The following ZNF827 variants were observed in gnomAD, a reference collection of about 807,000 sequenced individuals.
ZNF827 encodes zinc finger protein 827.
In ZNF827, 13 loss-of-function variants were observed where a neutral mutation model predicts 102.4. The ratio of observed to expected loss-of-function variants is 0.13; its 90% CI spans 0.08 to 0.20. ZNF827 has a LOEUF of 0.20. ZNF827 is among the 10% of genes least tolerant of loss of function. ZNF827 has a pLI of 1.00. For missense variants in ZNF827, 1,103 were observed against 1,344.4 expected, an observed-to-expected ratio of 0.82 and a Z score of 2.81; for synonymous variants, 523 against 536.2, an observed-to-expected ratio of 0.98 and a Z score of 0.34.
At chr4:145,790,672 T>C (rs983381214) in intron 8 of ZNF827, among the ~76,000 whole-genome samples, 4 of 152,228 alleles carry the variant, frequency 2.6e-5, no homozygotes, top group African/African-American at 9.6e-5. Flanking sequence ...TATGGACAAG[T>C]CTTGATCATA....
chr4:145,864,952 T>C lies in ZNF827; in HGVS notation c.1981+5293A>G, dbSNP rs1025125812. On this transcript the variant is annotated intron_variant, in intron 5 of 14. Transcript: ENST00000508784. The stretch of plus-strand genomic sequence containing the variant: ...AAGTCACACTGCTTAGAAAGCTTGC[T>C]AGACCATAATTTTCCAAGGGAAAAT... 2.6e-5 allele frequency among the ~76,000 whole-genome samples: 4 copies of C among 152,236 alleles called. No individual in the cohort carries two copies. The East Asian group carries it at 5.8e-4, about 22-fold the overall frequency.
At chr4:145,855,792 C>T (rs182213719) in intron 5 of ZNF827, among the ~76,000 whole-genome samples, 47 of 152,300 alleles carry the variant, frequency 3.1e-4, no homozygotes, top group Non-Finnish European at 6.2e-4. Context: ...GAAGCAGCCT[C>T]GGGCCCTGAA....
At chr4:145,846,337 G>A (rs1038244105) in intron 6 of ZNF827, among the ~76,000 whole-genome samples, 3 of 152,082 alleles carry the variant, frequency 2.0e-5, no homozygotes, top group Non-Finnish European at 4.4e-5. Flanking sequence ...AATTAGCCAG[G>A]GATGGTGGTG....
At chr4:145,874,710 G>A (rs1175390486) in intron 4 of ZNF827, among the ~76,000 whole-genome samples, 1 of 152,152 alleles carries the variant, frequency 6.6e-6, no homozygotes, top group East Asian at 1.9e-4. Flanking sequence ...GATTTGTGCA[G>A]GTGCGGAACT....
intron 7 of ZNF827, among the ~76,000 whole-genome samples, chr4:145,825,755 G>A (rs1743616019): frequency 6.6e-6 from 1 of 152,184 alleles, no homozygotes; most frequent in Non-Finnish European, 1.5e-5. Flanking sequence ...GATGTGAGGA[G>A]TGGAGCCCTA....
intron 1 of ZNF827, among the ~76,000 whole-genome samples, chr4:145,930,244 G>C (rs1005197747): frequency 6.6e-6 from 1 of 152,206 alleles, no homozygotes; most frequent in East Asian, 1.9e-4. Flanking sequence ...CAAAAGCTCA[G>C]ATAAGCAGAG....
intron 7 of ZNF827, among the ~76,000 whole-genome samples, chr4:145,830,195 C>T (rs1744074107): frequency 6.6e-6 from 1 of 151,986 alleles, no homozygotes; most frequent in Non-Finnish European, 1.5e-5. Flanking sequence ...TGAGAACAAA[C>T]CGGAAATGTT....
At position 145,902,367 on chromosome 4, in the gene ZNF827, C is replaced by G; in HGVS notation, c.892G>C (p.Ala298Pro). Residue 298 changes from alanine (A) to proline (P), a missense_variant, in exon 2 of 15, where the codon GCT becomes CCT. By Grantham distance (27) the Ala-to-Pro change is conservative. Coordinates refer to ENST00000508784, the MANE Select transcript of ZNF827 (RefSeq NM_001306215.2). This position sits in a 1 kb window ranked among gnomAD's most constrained non-coding sequence, Gnocchi z 4.3. ...TTCTCAGCCAGAAGACTGCCCGCAG[C>G]CCTTGCGGCCACCTCCTTCAGAAGG... is the stretch of plus-strand genomic sequence containing the variant. Reference protein sequence around the residue: ...AALLKEVAARAAGSLLAEKSS... With the variant: ...AALLKEVAARPAGSLLAEKSS... 1 of 1,611,666 alleles carries G rather than the reference C, an allele frequency of 6.2e-7. No individual in the cohort carries two copies. The highest frequency in any genetic ancestry group is 8.5e-7 in the Non-Finnish European group (1 of 1,178,456).
intron 1 of ZNF827, among the ~76,000 whole-genome samples, chr4:145,924,935 C>G (rs1293610451): frequency 1.3e-5 from 2 of 152,112 alleles, no homozygotes; most frequent in South Asian, 2.1e-4. Context: ...GTTACACACA[C>G]TGCTAATAAA....
chr4:145,904,389 A>G (rs1376047253), intron 1 of ZNF827, among the ~76,000 whole-genome samples: 1 of 152,260 alleles, frequency 6.6e-6, no homozygotes, highest in African/African-American at 2.4e-5. Flanking sequence ...GAGGGTGATA[A>G]GTCCATGGAA....
At chr4:145,854,290 C>T (rs17020709) in intron 5 of ZNF827, among the ~76,000 whole-genome samples, 6,977 of 151,772 alleles carry the variant, frequency 0.046, 391 homozygotes, top group East Asian at 0.16. Context: ...AAGGGAAGGA[C>T]ATTTGTGACA....
intron 7 of ZNF827, chr4:145,832,927 GCCCACCTGCAC>G (rs1271938570): frequency 6.6e-6 from 1 of 152,610 alleles, no homozygotes; most frequent in African/African-American, 2.4e-5. Flanking sequence ...TTCGGACTCA[GCCCACCTGCAC>G]CCAGGTGAAA....
At position 145,834,021 on chromosome 4, in the gene ZNF827, C is replaced by T. The variant is rs548978638; in HGVS notation, c.2280-10496G>A. On this transcript the variant is annotated intron_variant, in intron 7 of 14. Transcript: ENST00000508784. The stretch of plus-strand genomic sequence containing the variant: ...GGGCAACCTTCCACCCTCCATTCCT[C>T]CTTCTACTCCCTTGGCCTGTGTTCT... Among the ~76,000 whole-genome samples, 54 of 152,200 alleles carry T rather than the reference C, an allele frequency of 3.5e-4. No homozygotes were observed. In the South Asian group the frequency reaches 0.011, roughly 31 times the overall value.
intron 1 of ZNF827, among the ~76,000 whole-genome samples, chr4:145,920,808 A>G (rs1250194847): frequency 6.6e-6 from 1 of 152,152 alleles, no homozygotes; most frequent in African/African-American, 2.4e-5. Context: ...AACATCTCCT[A>G]TTTCTTGGAT....
intron 1 of ZNF827, among the ~76,000 whole-genome samples, chr4:145,923,806 C>T (rs1389286585): frequency 6.6e-6 from 1 of 152,040 alleles, no homozygotes; most frequent in Non-Finnish European, 1.5e-5. Flanking sequence ...ATTTAATTTG[C>T]CAGTTTTAAT....
At chr4:145,919,655 C>T (rs970281067) in intron 1 of ZNF827, among the ~76,000 whole-genome samples, 2 of 152,144 alleles carry the variant, frequency 1.3e-5, no homozygotes, top group African/African-American at 4.8e-5. Context: ...ATGCTCTGTC[C>T]CCCACTACTG....
rs1358617204 is a variant in ZNF827, at chr4:145,774,496, G to C, written c.2860+10C>G. On this transcript the variant is annotated intron_variant, in intron 11 of 14. Transcript: ENST00000508784. ...GAAGGAGTGTGAGAAGGACAGACAG[G>C]AATGGTCACCTGTGTGCTTGGTGCC... 3 of 1,606,806 alleles carry C rather than the reference G, an allele frequency of 1.9e-6. No homozygotes were observed. The African/African-American group carries it at 4.0e-5, about 21-fold the overall frequency.
rs1055095214 is a variant in ZNF827, at chr4:145,938,557, T to C, written c.-150A>G. The stretch of plus-strand genomic sequence containing the variant: ...GAAACCCCTTCTCCGGTGTGTGCAA[T>C]GGGTTGAAGCTTGTTTCCTGGAGCC... On this transcript the variant is annotated 5_prime_UTR_variant, in exon 1 of 15. Coordinates refer to ENST00000508784, the MANE Select transcript of ZNF827 (RefSeq NM_001306215.2). 17 of 611,164 alleles carry C rather than the reference T, an allele frequency of 2.8e-5. No individual in the cohort carries two copies. The highest frequency in any genetic ancestry group is 7.3e-5 in the African/African-American group (4 of 54,808). 37.9% of individuals were successfully genotyped at this position (611,164 alleles called of 1,614,324 possible).
chr4:145,793,308 TAC>T (rs1739981436), intron 8 of ZNF827, among the ~76,000 whole-genome samples: 3 of 1,160 alleles, frequency 2.6e-3, no homozygotes, highest in Non-Finnish European at 4.2e-3. Flanking sequence ...ATCTTATATA[TAC>T]TTATATATAA....
Sources: allele counts gnomAD v4.1 joint callset (sites outside exome capture counted in the v4.1 genomes callset), GRCh38; gene constraint gnomAD v4.1.1; non-coding constraint Gnocchi (gnomAD v3.1); transcripts MANE v1.5; gene names NCBI Gene and HGNC (gene_info 2026-07-23, HGNC 2026-07-21).